The following NECTIN3 variants were observed in gnomAD, a reference collection of about 807,000 sequenced individuals.
NECTIN3 encodes nectin cell adhesion molecule 3, also known as nectin-3.
NECTIN3 carries 8 observed loss-of-function variants against 49.4 expected under a neutral mutation model. That is an observed-to-expected ratio of 0.16 (90% CI 0.10 to 0.29). The LOEUF (loss-of-function observed/expected upper bound fraction) is 0.29, where lower values mean the gene tolerates loss of function less well. Ranked by LOEUF, NECTIN3 falls within the 10% of genes least tolerant of loss-of-function variation. The pLI is 1.00. For missense variants in NECTIN3, 581 were observed against 654.6 expected (o/e 0.89, Z 1.23); for synonymous variants, 277 against 241.1 (o/e 1.15, Z -1.38).
intron 2 of NECTIN3, among the ~76,000 whole-genome samples, chr3:111,114,877 C>A (rs2033624352): frequency 6.6e-6 from 1 of 152,002 alleles, no homozygotes; most frequent in South Asian, 2.1e-4. Context: ...GAAGGGCCAA[C>A]TTTTCCTGTA....
intron 7 of NECTIN3, among the ~76,000 whole-genome samples, chr3:111,180,119 T>C (rs1273121253): frequency 6.6e-6 from 1 of 152,208 alleles, no homozygotes; most frequent in Non-Finnish European, 1.5e-5. Flanking sequence ...CCTGCATTAC[T>C]AAATACCCCT....
chr3:111,090,538 T>C (rs1383425517), intron 1 of NECTIN3, among the ~76,000 whole-genome samples: 1 of 146,070 alleles, frequency 6.8e-6, no homozygotes, highest in African/African-American at 2.5e-5. Flanking sequence ...ATCCTCATTC[T>C]GCCGTTAGTG....
intron 7 of NECTIN3, among the ~76,000 whole-genome samples, chr3:111,153,129 G>T (rs1484213719): frequency 4.6e-5 from 7 of 151,836 alleles, no homozygotes; most frequent in Non-Finnish European, 1.0e-4. Context: ...TAAGGATTGA[G>T]TATTTCTAGC....
chr3:111,178,326 T>C (rs1471790326), intron 7 of NECTIN3, among the ~76,000 whole-genome samples: 3 of 152,236 alleles, frequency 2.0e-5, no homozygotes, highest in Non-Finnish European at 2.9e-5. Context: ...ATTTCTTCTT[T>C]AACTGACTCA....
chr3:111,100,211 A>G (rs1037902501), intron 1 of NECTIN3, among the ~76,000 whole-genome samples: 3 of 152,074 alleles, frequency 2.0e-5, no homozygotes, highest in South Asian at 2.1e-4. Flanking sequence ...TGGGTATACA[A>G]ATTTTTACCT....
chr3:111,074,530 G>T (rs990582851), intron 1 of NECTIN3, among the ~76,000 whole-genome samples: 1 of 151,862 alleles, frequency 6.6e-6, no homozygotes, highest in African/African-American at 2.4e-5. Context: ...TAACTTTATC[G>T]TGTTAATTTA....
Position 111,136,292 on chromosome 3 carries a change from A to C in NECTIN3, c.*2077A>C. 1.0e-6 allele frequency: 1 copy of C among 973,764 alleles called. No individual in the cohort carries two copies. The highest frequency in any genetic ancestry group is 4.7e-5 in the South Asian group (1 of 21,072). 60.3% of individuals were successfully genotyped at this position (973,764 alleles called of 1,614,324 possible). A position where few individuals can be genotyped will look rare whatever the true frequency, so the allele number is the denominator to read the frequency against. Reference sequence around the variant, plus strand: ...CAGTGTATTTTAAGAAATATATTTCAAAAATATAAATACTGATTATGAACT... The same window carrying C: ...CAGTGTATTTTAAGAAATATATTTCCAAAATATAAATACTGATTATGAACT... On this transcript the variant is annotated 3_prime_UTR_variant, in exon 6 of 6. Transcript: ENST00000485303.
rs534488546 is a variant in NECTIN3, at chr3:111,158,704, A to G, written c.1221+11220A>G. ...GTTCACACACAAACACACACACACA[A>G]ATTAATTGTACCAGAACATAAAAGC... On this transcript the variant is annotated intron_variant, in intron 7 of 8. Transcript: ENST00000493615. 1.1e-4 allele frequency among the ~76,000 whole-genome samples: 17 copies of G among 152,108 alleles called. No individual in the cohort carries two copies. The South Asian group carries it at 2.9e-3, about 26-fold the overall frequency.
intron 5 of NECTIN3, chr3:111,144,795 A>C: frequency 7.7e-7 from 1 of 1,303,882 alleles, no homozygotes; most frequent in Admixed American, 2.7e-5. Context: ...TGGCTCTTGG[A>C]TAACATACTT....
chr3:111,173,306 T>TAC (rs2035467232), intron 7 of NECTIN3, among the ~76,000 whole-genome samples: 1 of 152,212 alleles, frequency 6.6e-6, no homozygotes, highest in Non-Finnish European at 1.5e-5. Flanking sequence ...TACATCTCAT[T>TAC]ATCAAGACAT....
In NECTIN3 at chr3:111,134,745, A is replaced by G. The variant is rs2034519158; in HGVS notation, c.*530A>G. On this transcript the variant is annotated 3_prime_UTR_variant, in exon 6 of 6. Coordinates refer to ENST00000485303, the MANE Select transcript of NECTIN3 (RefSeq NM_015480.3). ...CTGATGGAATGGCTTTCCTTTTCAA[A>G]CATTATTTTCTAAGTTTCTATACAA... 1.1e-6 allele frequency: 1 copy of G among 940,714 alleles called. No individual in the cohort carries two copies. The highest frequency in any genetic ancestry group is 1.8e-5 in the African/African-American group (1 of 56,136). 58.3% of individuals were successfully genotyped at this position (940,714 alleles called of 1,614,324 possible). A position where few individuals can be genotyped will look rare whatever the true frequency, so the allele number is the denominator to read the frequency against.
intron 5 of NECTIN3, 110 bp downstream of exon 5, chr3:111,126,445 A>C (rs1433003036): frequency 2.1e-6 from 2 of 942,090 alleles, no homozygotes; most frequent in Non-Finnish European, 3.1e-6. Context: ...CAGATTCCTC[A>C]GTGTGAAGTT....
At chr3:111,160,159 CCTT>C (rs1180795635) in intron 7 of NECTIN3, among the ~76,000 whole-genome samples, 2 of 152,178 alleles carry the variant, frequency 1.3e-5, no homozygotes, top group Admixed American at 6.5e-5. Flanking sequence ...GAATTTATAA[CCTT>C]CTCTTTTCTA....
intron 1 of NECTIN3, among the ~76,000 whole-genome samples, chr3:111,075,766 T>C (rs1476502109): frequency 2.6e-5 from 4 of 152,124 alleles, no homozygotes; most frequent in Non-Finnish European, 5.9e-5. Flanking sequence ...AATACTTCAA[T>C]TGTATAATTG....
At chr3:111,142,960 A>G (rs981028148) in intron 5 of NECTIN3, among the ~76,000 whole-genome samples, 2 of 151,860 alleles carry the variant, frequency 1.3e-5, no homozygotes, top group South Asian at 4.1e-4. Flanking sequence ...CGTACTTGAC[A>G]ATTAGTATTT....
intron 2 of NECTIN3, among the ~76,000 whole-genome samples, chr3:111,114,353 A>G (rs767767115): frequency 2.6e-5 from 4 of 151,944 alleles, no homozygotes; most frequent in Non-Finnish European, 5.9e-5. Flanking sequence ...ACATCCTTTT[A>G]GTAGCCATTC....
chr3:111,124,682 C>G (rs2034088893), intron 4 of NECTIN3, among the ~76,000 whole-genome samples: 2 of 152,128 alleles, frequency 1.3e-5, no homozygotes, highest in South Asian at 4.1e-4. Context: ...AAAGATTTTA[C>G]AGATTATTTT....
chr3:111,143,534 TG>T (rs1256779657), intron 5 of NECTIN3, among the ~76,000 whole-genome samples: 2 of 151,920 alleles, frequency 1.3e-5, no homozygotes, highest in East Asian at 3.8e-4. Context: ...CAAAAACAAT[TG>T]GAAAATACTT....
At chr3:111,150,681 C>G (rs1240381927) in intron 7 of NECTIN3, among the ~76,000 whole-genome samples, 1 of 151,694 alleles carries the variant, frequency 6.6e-6, no homozygotes, top group Admixed American at 6.6e-5. Flanking sequence ...CAAATAGTCT[C>G]CCTTTTCCAA....
Sources: gnomAD v4.1 joint callset for allele counts (sites outside exome capture counted in the v4.1 genomes callset) on GRCh38, gnomAD v4.1.1 for gene constraint, MANE v1.5 for transcripts, NCBI Gene and HGNC (gene_info 2026-07-23, HGNC 2026-07-21) for gene names.